Variants in SDK1 observed in about 807,000 individuals in gnomAD.
SDK1 encodes protein sidekick-1.
SDK1 carries 157 observed loss-of-function variants against 245.5 expected under a neutral mutation model. The ratio of observed to expected loss-of-function variants is 0.64; its 90% CI spans 0.56 to 0.73. SDK1 has a LOEUF of 0.73. Among genes scored for constraint, SDK1 ranks in the 30% least tolerant of loss-of-function variants. The pLI, the probability that SDK1 is intolerant of heterozygous loss-of-function variation, is 0.00. For missense variants in SDK1, 3,583 were observed against 3,002.3 expected, an observed-to-expected ratio of 1.19 and a Z score of -4.52; for synonymous variants, 1,647 against 1,278.5, an observed-to-expected ratio of 1.29 and a Z score of -6.15.
Position 4,178,695 on chromosome 7 carries a change from T to C in SDK1, c.5098+109T>C, listed in dbSNP as rs78877437. ...AGGTGTCCAGCAGCGTTCTTTCTCCTTGAACACATTGCTGTCGGGGCTGAG... is the reference window on the plus strand; with the variant it reads ...AGGTGTCCAGCAGCGTTCTTTCTCCCTGAACACATTGCTGTCGGGGCTGAG... On this transcript the variant is annotated intron_variant, in intron 35 of 44. Transcript: ENST00000404826. 7,603 of 742,128 alleles carry C rather than the reference T, an allele frequency of 0.01. 404 individuals carry two copies. In the African/African-American group the frequency reaches 0.12, roughly 11 times the overall value. 46.0% of individuals were successfully genotyped at this position (742,128 alleles called of 1,614,324 possible).
At chr7:3,458,379 G>C (rs563389453) in intron 1 of SDK1, among the ~76,000 whole-genome samples, 24 of 152,092 alleles carry the variant, frequency 1.6e-4, no homozygotes, top group Admixed American at 1.6e-3. Context: ...TGTTTCCATA[G>C]AGTAGGTCCA....
intron 1 of SDK1, among the ~76,000 whole-genome samples, chr7:3,496,779 A>G (rs759851325): frequency 4.6e-5 from 7 of 152,146 alleles, no homozygotes; most frequent in East Asian, 3.8e-4. Flanking sequence ...TGGTTAATCA[A>G]TTTAGTCTAG....
intron 1 of SDK1, among the ~76,000 whole-genome samples, chr7:3,507,078 T>G (rs2705613): frequency 6.6e-6 from 1 of 151,932 alleles, no homozygotes; most frequent in African/African-American, 2.4e-5. Context: ...TATTATCATA[T>G]GGTTTGTTTA....
intron 4 of SDK1, among the ~76,000 whole-genome samples, chr7:3,789,277 A>T (rs1311132201): frequency 6.6e-6 from 1 of 152,050 alleles, no homozygotes; most frequent in Admixed American, 6.5e-5. Context: ...CCTCCCAAGT[A>T]GCTGGGATTC....
In SDK1 at chr7:3,639,008, A is replaced by G; in HGVS notation, c.463A>G (p.Ile155Val). ...CTTCTTTTTGCTATTCAACAGGTACATTATTCCATCTTTGCAGAAGCTCGA... is the reference window on the plus strand; with the variant it reads ...CTTCTTTTTGCTATTCAACAGGTACGTTATTCCATCTTTGCAGAAGCTCGA... ...LTTYSSEYKY[I>V]IPSLQKLDAG... is the part of the protein sequence containing the mutation. The change falls in exon 3 of 45, where the codon ATT becomes GTT. Residue 155 changes from isoleucine to valine, a missense_variant. By Grantham distance (29) the Ile-to-Val change is conservative. Coordinates refer to ENST00000404826, the MANE Select transcript of SDK1 (RefSeq NM_152744.4). The G allele has an allele frequency of 1.3e-6, 2 of 1,594,466 alleles. No homozygotes were observed. Among genetic ancestry groups the G allele is most frequent in the Non-Finnish European group, 1.7e-6 (2 of 1,165,278 alleles).
At chr7:3,517,612 C>T (rs567808443) in intron 1 of SDK1, among the ~76,000 whole-genome samples, 9 of 152,250 alleles carry the variant, frequency 5.9e-5, no homozygotes, top group South Asian at 2.1e-4. Flanking sequence ...GAGCCTGTCC[C>T]GCCTAGAGTA....
At chr7:3,775,964 G>A (rs191671681) in intron 4 of SDK1, among the ~76,000 whole-genome samples, 12 of 152,280 alleles carry the variant, frequency 7.9e-5, no homozygotes, top group Non-Finnish European at 1.3e-4. Context: ...ACTGATTCTC[G>A]AAACGAGTGA....
intron 5 of SDK1, among the ~76,000 whole-genome samples, chr7:3,878,184 T>A (rs1781119358): frequency 6.6e-6 from 1 of 152,216 alleles, no homozygotes; most frequent in Non-Finnish European, 1.5e-5. Flanking sequence ...TTTCAATTTT[T>A]TTTTCATATT....
At chr7:3,348,668 C>A (rs964510337) in intron 1 of SDK1, among the ~76,000 whole-genome samples, 2 of 152,084 alleles carry the variant, frequency 1.3e-5, no homozygotes, top group Admixed American at 6.5e-5. Context: ...CCCCATGTAA[C>A]CTGTGTATGT....
At chr7:3,872,621 C>G (rs1191149856) in intron 5 of SDK1, among the ~76,000 whole-genome samples, 3 of 149,122 alleles carry the variant, frequency 2.0e-5, no homozygotes, top group Non-Finnish European at 4.4e-5. Context: ...GCAGTGATAC[C>G]ATATTCCACT....
At chr7:3,416,790 AT>A (rs1779377845) in intron 1 of SDK1, among the ~76,000 whole-genome samples, 1 of 152,114 alleles carries the variant, frequency 6.6e-6, no homozygotes, top group Non-Finnish European at 1.5e-5. Context: ...AATAAAGCCC[AT>A]GTTCTGATCC....
intron 35 of SDK1, among the ~76,000 whole-genome samples, chr7:4,194,456 A>G (rs1180310663): frequency 9.4e-6 from 1 of 106,786 alleles, no homozygotes; most frequent in East Asian, 2.2e-4. Flanking sequence ...ATACATGTAT[A>G]TATGTGTGTG....
intron 5 of SDK1, among the ~76,000 whole-genome samples, chr7:3,821,948 A>C (rs576095791): frequency 6.6e-6 from 1 of 152,216 alleles, no homozygotes; most frequent in Non-Finnish European, 1.5e-5. Flanking sequence ...TATACATTAT[A>C]TTCTTTTAAT....
At chr7:3,918,016 T>G (rs1014752480) in intron 5 of SDK1, among the ~76,000 whole-genome samples, 1 of 152,186 alleles carries the variant, frequency 6.6e-6, no homozygotes, top group Non-Finnish European at 1.5e-5. Context: ...TTCAAGGGCC[T>G]TATGTGTAAT....
intron 41 of SDK1, among the ~76,000 whole-genome samples, chr7:4,234,366 C>T (rs963135256): frequency 6.6e-6 from 1 of 152,184 alleles, no homozygotes; most frequent in African/African-American, 2.4e-5. Context: ...AGGGCTTCCT[C>T]CCCGAGAGCA....
At chr7:3,470,516 AAT>A (rs1320598515) in intron 1 of SDK1, among the ~76,000 whole-genome samples, 1 of 152,174 alleles carries the variant, frequency 6.6e-6, no homozygotes, top group African/African-American at 2.4e-5. Context: ...TAGAAAATAA[AAT>A]ATATACAGAA....
chr7:3,579,265 G>A (rs1780405847), intron 1 of SDK1, among the ~76,000 whole-genome samples: 1 of 149,680 alleles, frequency 6.7e-6, no homozygotes, highest in Admixed American at 6.6e-5. Context: ...GATGAACGTT[G>A]ATGGAAATAT....
In SDK1 at chr7:4,268,276, T is replaced by C. The variant is rs946820147; in HGVS notation, c.*2892T>C. 42 of 1,018,052 alleles carry C rather than the reference T, an allele frequency of 4.1e-5. No individual in the cohort carries two copies. The highest frequency in any genetic ancestry group is 9.7e-4 in the Middle Eastern group (2 of 2,072). 63.1% of individuals were successfully genotyped at this position (1,018,052 alleles called of 1,614,324 possible). The stretch of plus-strand genomic sequence containing the variant: ...GCTCCGTCTGAGCCACAGGGATGGG[T>C]GTGCAGAGCTCCCTCCTCCTGGGGT... On this transcript the variant is annotated 3_prime_UTR_variant, in exon 45 of 45. Coordinates refer to ENST00000404826, the MANE Select transcript of SDK1 (RefSeq NM_152744.4).
chr7:3,499,257 T>A (rs1347219653), intron 1 of SDK1, among the ~76,000 whole-genome samples: 3 of 152,236 alleles, frequency 2.0e-5, no homozygotes, highest in Non-Finnish European at 2.9e-5. Flanking sequence ...CAACAATCAT[T>A]TGTGCAACAG....
Sources: gnomAD v4.1 joint callset for allele counts (sites outside exome capture counted in the v4.1 genomes callset) on GRCh38, gnomAD v4.1.1 for gene constraint, MANE v1.5 for transcripts, NCBI Gene and HGNC (gene_info 2026-07-23, HGNC 2026-07-21) for gene names.